PGM5: variants seen among roughly 807,000 people sequenced by gnomAD.
PGM5 encodes the protein phosphoglucomutase-like protein 5.
In PGM5, 23 loss-of-function variants were observed where a neutral mutation model predicts 59.2. The observed-to-expected ratio is 0.39, with a 90% CI of 0.28 to 0.55. The LOEUF (loss-of-function observed/expected upper bound fraction) is 0.55. Among genes scored for constraint, PGM5 ranks in the 20% least tolerant of loss-of-function variants. PGM5 has a pLI of 0.66. For synonymous variants in PGM5, 214 were observed against 286.0 expected (o/e 0.75, Z 2.54); for missense variants, 574 against 748.3 (o/e 0.77, Z 2.72).
chr9:68,441,229 AAAT>A (rs1823524622), intron 6 of PGM5, among the ~76,000 whole-genome samples: 1 of 152,130 alleles, frequency 6.6e-6, no homozygotes, highest in Admixed American at 6.5e-5. Flanking sequence ...AAAAAATTCT[AAAT>A]AATATCTTCC....
At chr9:68,439,714 CACAT>C (rs1564006087) in intron 6 of PGM5, among the ~76,000 whole-genome samples, 2 of 149,886 alleles carry the variant, frequency 1.3e-5, no homozygotes, top group Non-Finnish European at 3.0e-5. Flanking sequence ...TATACACACA[CACAT>C]ATATATATAT....
intron 1 of PGM5, among the ~76,000 whole-genome samples, chr9:68,361,038 C>G (rs1316666270): frequency 7.2e-5 from 11 of 152,250 alleles, no homozygotes; most frequent in Non-Finnish European, 1.5e-4. Flanking sequence ...CCTGCCTCAG[C>G]TTCCTGAGTA....
intron 6 of PGM5, among the ~76,000 whole-genome samples, chr9:68,461,175 C>T (rs1162092319): frequency 6.6e-6 from 1 of 152,148 alleles, no homozygotes; most frequent in Non-Finnish European, 1.5e-5. Flanking sequence ...GTCCTCCCCT[C>T]TCGTGGGTCA....
chr9:68,482,522 T>A (rs1307178240), intron 8 of PGM5, among the ~76,000 whole-genome samples: 5 of 152,216 alleles, frequency 3.3e-5, no homozygotes, highest in Non-Finnish European at 5.9e-5. Flanking sequence ...TTGGCTAATA[T>A]GCTGATGTTT....
At chr9:68,512,674 C>T (rs760835053) in intron 10 of PGM5, among the ~76,000 whole-genome samples, 2 of 152,176 alleles carry the variant, frequency 1.3e-5, no homozygotes, top group Non-Finnish European at 2.9e-5. Context: ...CCCTAATGAT[C>T]TCATTTTAAC....
chr9:68,359,690 A>G (rs1282178455), intron 1 of PGM5, among the ~76,000 whole-genome samples: 1 of 152,202 alleles, frequency 6.6e-6, no homozygotes, highest in East Asian at 1.9e-4. Flanking sequence ...TTGATATCCT[A>G]TTGGATACTC....
intron 6 of PGM5, among the ~76,000 whole-genome samples, chr9:68,456,651 A>G (rs1823784087): frequency 7.5e-6 from 1 of 132,926 alleles, no homozygotes; most frequent in Admixed American, 7.8e-5. Flanking sequence ...TTGAAACAGA[A>G]TATTACTCTG....
Position 68,357,101 on chromosome 9 carries a change from C to G in PGM5, c.-27C>G, listed in dbSNP as rs1421061809. 6.9e-7 allele frequency: 1 copy of G among 1,457,512 alleles called. No homozygotes were observed. Among genetic ancestry groups the G allele is most frequent in the Non-Finnish European group, 9.0e-7 (1 of 1,110,486 alleles). The allele number at this position is 1,457,512 out of a possible 1,614,324, so 90.3% of individuals were successfully genotyped here. A position where few individuals can be genotyped will look rare whatever the true frequency, so the allele number is the denominator to read the frequency against. Reference sequence around the variant, plus strand: ...TGCAGATTCCCTCCGGCTCCGGGAGCCGCAGCAGGACCGGCCAGGAGGCGC... The same window carrying G: ...TGCAGATTCCCTCCGGCTCCGGGAGGCGCAGCAGGACCGGCCAGGAGGCGC... On this transcript the variant is annotated 5_prime_UTR_variant, in exon 1 of 11. Transcript: ENST00000396396.
chr9:68,466,267 T>G, intron 7 of PGM5: 1 of 983,910 alleles, frequency 1.0e-6, no homozygotes, highest in South Asian at 2.2e-5. Flanking sequence ...TCCGATACTG[T>G]GTGTTTTTTT....
At chr9:68,487,753 C>T (rs1439387905) in intron 9 of PGM5, among the ~76,000 whole-genome samples, 1 of 152,136 alleles carries the variant, frequency 6.6e-6, no homozygotes, top group African/African-American at 2.4e-5. Context: ...CCGTTTTATA[C>T]AGAAATTCTC....
intron 1 of PGM5, among the ~76,000 whole-genome samples, chr9:68,358,269 C>T (rs1400845913): frequency 2.6e-5 from 4 of 152,178 alleles, no homozygotes; most frequent in African/African-American, 9.7e-5. Context: ...CCTTCTCCCA[C>T]GACCTCGGTA....
At chr9:68,375,523 C>T (rs1396628534) in intron 1 of PGM5, among the ~76,000 whole-genome samples, 2 of 152,338 alleles carry the variant, frequency 1.3e-5, no homozygotes, top group East Asian at 1.9e-4. Context: ...CTCTTGCCCC[C>T]CTTCAAGGTA....
In PGM5 at chr9:68,503,122, C is replaced by T. The variant is rs80070554; in HGVS notation, c.1614+3761C>T. Among the ~76,000 whole-genome samples the T allele has an allele frequency of 3.9e-4, 60 of 152,216 alleles. No homozygotes were observed. In the East Asian group the frequency reaches 0.01, roughly 26 times the overall value. Reference sequence around the variant, plus strand: ...TTTGTTCTACCTGTTCTTAATAAGACTTTGTAATCCAGAAATAAAGTATAG... The same window carrying T: ...TTTGTTCTACCTGTTCTTAATAAGATTTTGTAATCCAGAAATAAAGTATAG... On this transcript the variant is annotated intron_variant, in intron 10 of 10. Transcript: ENST00000396396.
At chr9:68,398,131 A>C (rs188408740) in intron 6 of PGM5, 54 of 152,290 alleles carry the variant, frequency 3.5e-4, no homozygotes, top group African/African-American at 1.2e-3. Flanking sequence ...ATGTGAGCTT[A>C]TATGTAATTA....
chr9:68,464,463 A>G (rs781848989), intron 6 of PGM5: 1 of 152,222 alleles, frequency 6.6e-6, no homozygotes, highest in African/African-American at 2.4e-5. Flanking sequence ...AGGCCTTTAT[A>G]TATCCCTTTA....
At chr9:68,485,524 A>G (rs1159257795) in intron 9 of PGM5, among the ~76,000 whole-genome samples, 3 of 152,196 alleles carry the variant, frequency 2.0e-5, no homozygotes, top group African/African-American at 7.2e-5. Context: ...GCCTGCTGCC[A>G]TGTAAGACAT....
chr9:68,451,615 T>C (rs536104162), intron 6 of PGM5, among the ~76,000 whole-genome samples: 1 of 152,268 alleles, frequency 6.6e-6, no homozygotes, highest in South Asian at 2.1e-4. Context: ...GGGCACACAA[T>C]TGGAAAAAAT....
chr9:68,413,711 C>A (rs1822975498), intron 6 of PGM5, among the ~76,000 whole-genome samples: 2 of 152,162 alleles, frequency 1.3e-5, no homozygotes, highest in South Asian at 4.1e-4. Flanking sequence ...TGGATTCATG[C>A]CACTGAGCTT....
chr9:68,456,618 C>A (rs797038513), intron 6 of PGM5, among the ~76,000 whole-genome samples: 2 of 122,338 alleles, frequency 1.6e-5, no homozygotes, highest in South Asian at 5.4e-4. Flanking sequence ...GTGCCCTGTC[C>A]TTTTTTTTTT....
Sources: gnomAD v4.1 joint callset for allele counts (sites outside exome capture counted in the v4.1 genomes callset) on GRCh38, gnomAD v4.1.1 for gene constraint, MANE v1.5 for transcripts, NCBI Gene and HGNC (gene_info 2026-07-23, HGNC 2026-07-21) for gene names.